Variants in IGFBP7 observed in about 807,000 individuals in gnomAD.
IGFBP7 encodes insulin-like growth factor-binding protein 7.
Under a neutral mutation model 29.4 loss-of-function variants are expected in IGFBP7, and 31 were observed. That is an observed-to-expected ratio of 1.05 (90% CI 0.79 to 1.42). The LOEUF is 1.42. Among genes scored for constraint, IGFBP7 ranks in the 40% most tolerant of loss-of-function variants. The probability of loss-of-function intolerance (pLI) is 0.00; values close to 1 mark genes in which losing one functional copy is unlikely to be tolerated. For missense variants in IGFBP7, 393 were observed against 395.5 expected (o/e 0.99, Z 0.05); for synonymous variants, 172 against 174.9 (o/e 0.98, Z 0.13).
chr4:57,060,353 G>A (rs1724771507), intron 1 of IGFBP7, among the ~76,000 whole-genome samples: 1 of 152,134 alleles, frequency 6.6e-6, no homozygotes, highest in Non-Finnish European at 1.5e-5. Flanking sequence ...TTTTCCTTTA[G>A]CTTATATACA....
intron 1 of IGFBP7, among the ~76,000 whole-genome samples, chr4:57,067,060 T>C (rs1724936885): frequency 6.6e-6 from 1 of 151,754 alleles, no homozygotes; most frequent in African/African-American, 2.4e-5. Flanking sequence ...AAAGTATCAA[T>C]AACATATTCA....
chr4:57,056,824 T>C (rs1713959), intron 1 of IGFBP7, among the ~76,000 whole-genome samples: 94,660 of 152,186 alleles, frequency 0.62, 29,929 homozygotes, highest in East Asian at 0.9. Context: ...TCTGCTCTTA[T>C]TGGCATTTTT....
chr4:57,085,793 A>C (rs949710601), intron 1 of IGFBP7, among the ~76,000 whole-genome samples: 5 of 151,820 alleles, frequency 3.3e-5, no homozygotes, highest in Admixed American at 3.3e-4. Flanking sequence ...ACTCCTCAGA[A>C]CTCCATTTTG....
At chr4:57,038,485 A>C (rs1724137506) in intron 2 of IGFBP7, among the ~76,000 whole-genome samples, 1 of 152,070 alleles carries the variant, frequency 6.6e-6, no homozygotes, top group South Asian at 2.1e-4. Context: ...GCTGGTTTCA[A>C]ATGGGCTGGT....
chr4:57,036,201 T>A (rs1250659815), intron 2 of IGFBP7, among the ~76,000 whole-genome samples: 1 of 152,204 alleles, frequency 6.6e-6, no homozygotes, highest in East Asian at 1.9e-4. Context: ...CACTATATTC[T>A]CATTTCACCG....
chr4:57,048,847 G>A (rs115769412), intron 1 of IGFBP7, among the ~76,000 whole-genome samples: 1 of 152,124 alleles, frequency 6.6e-6, no homozygotes, highest in Non-Finnish European at 1.5e-5. Context: ...CTGAATCCTT[G>A]TCTACAATTT....
At chr4:57,103,665 T>TTTTC (rs1219274230) in intron 1 of IGFBP7, among the ~76,000 whole-genome samples, 1 of 131,390 alleles carries the variant, frequency 7.6e-6, no homozygotes. Flanking sequence ...CTTTTCTTTT[T>TTTTC]TTTTTTTTTT....
At chr4:57,038,945 A>C (rs904927143) in intron 2 of IGFBP7, among the ~76,000 whole-genome samples, 3 of 151,826 alleles carry the variant, frequency 2.0e-5, no homozygotes, top group African/African-American at 4.8e-5. Flanking sequence ...GGGTGCCTGT[A>C]ATCCCAACTA....
At chr4:57,066,435 A>G (rs1724923470) in intron 1 of IGFBP7, among the ~76,000 whole-genome samples, 1 of 152,172 alleles carries the variant, frequency 6.6e-6, no homozygotes, top group Non-Finnish European at 1.5e-5. Flanking sequence ...GAACCACAAA[A>G]CTAAGCTACT....
chr4:57,048,125 C>G (rs921172387), intron 1 of IGFBP7, among the ~76,000 whole-genome samples: 2 of 151,030 alleles, frequency 1.3e-5, no homozygotes, highest in Non-Finnish European at 2.9e-5. Flanking sequence ...CATCTCGGCT[C>G]ACTGCAAGCT....
chr4:57,054,604 A>C (rs1037898722), intron 1 of IGFBP7, among the ~76,000 whole-genome samples: 1 of 143,916 alleles, frequency 6.9e-6, no homozygotes, highest in East Asian at 2.0e-4. Context: ...ACACCACGGC[A>C]CTCCAGCCTG....
intron 1 of IGFBP7, among the ~76,000 whole-genome samples, chr4:57,082,657 A>G (rs1714005): frequency 0.44 from 67,619 of 152,152 alleles, 17,178 homozygotes; most frequent in Admixed American, 0.59. Flanking sequence ...TAACAATTCA[A>G]ATATACAAAT....
intron 1 of IGFBP7, among the ~76,000 whole-genome samples, chr4:57,055,337 C>G (rs978965416): frequency 1.3e-5 from 2 of 152,050 alleles, no homozygotes; most frequent in African/African-American, 4.8e-5. Context: ...GAGTCTGGTA[C>G]AGGTATCTTA....
chr4:57,071,062 C>G (rs1280452714), intron 1 of IGFBP7, among the ~76,000 whole-genome samples: 1 of 152,142 alleles, frequency 6.6e-6, no homozygotes, highest in Non-Finnish European at 1.5e-5. Context: ...CCCGAGGGTC[C>G]ATGTGCATAA....
rs781393529 is a variant in IGFBP7, at chr4:57,031,013, A to G, written c.*304T>C. 6.1e-6 allele frequency: 8 copies of G among 1,315,010 alleles called. No individual in the cohort carries two copies. In the East Asian group the frequency reaches 1.8e-4, roughly 30 times the overall value. 81.5% of individuals were successfully genotyped at this position (1,315,010 alleles called of 1,614,324 possible). A position where few individuals can be genotyped will look rare whatever the true frequency, so the allele number is the denominator to read the frequency against. ...GCTATTTTACAGGAGTCAACAAGATAATTAAATATCTTGGTGTCTTGTTTC... is the reference window on the plus strand; with the variant it reads ...GCTATTTTACAGGAGTCAACAAGATGATTAAATATCTTGGTGTCTTGTTTC... On this transcript the variant is annotated 3_prime_UTR_variant, in exon 5 of 5. Coordinates refer to ENST00000295666, the MANE Select transcript of IGFBP7 (RefSeq NM_001553.3).
intron 1 of IGFBP7, among the ~76,000 whole-genome samples, chr4:57,042,799 T>A (rs1289415999): frequency 1.3e-5 from 2 of 152,374 alleles, no homozygotes; most frequent in South Asian, 2.1e-4. Context: ...CAGTTGTGGC[T>A]GAGACTGTAT....
Position 57,031,231 on chromosome 4 carries a change from A to T in IGFBP7, c.*86T>A. 1 of 1,130,060 alleles carries T rather than the reference A, an allele frequency of 8.8e-7. No individual in the cohort carries two copies. The highest frequency in any genetic ancestry group is 2.3e-5 in the East Asian group (1 of 42,576). 70.0% of individuals were successfully genotyped at this position (1,130,060 alleles called of 1,614,324 possible). ...TATAACTAAAGTGTTAGTGGATTGG[A>T]TTAAAAGAAACTTATTAGGCAAGAA... On this transcript the variant is annotated 3_prime_UTR_variant, in exon 5 of 5. Coordinates refer to ENST00000295666, the MANE Select transcript of IGFBP7 (RefSeq NM_001553.3).
chr4:57,080,733 G>C (rs1725346000), intron 1 of IGFBP7, among the ~76,000 whole-genome samples: 1 of 152,132 alleles, frequency 6.6e-6, no homozygotes, highest in Non-Finnish European at 1.5e-5. Context: ...ACTGACCAGA[G>C]AGAATACTAG....
intron 1 of IGFBP7, among the ~76,000 whole-genome samples, chr4:57,050,389 C>T (rs1309366814): frequency 6.6e-6 from 1 of 151,922 alleles, no homozygotes; most frequent in Non-Finnish European, 1.5e-5. Context: ...GGATTACAGG[C>T]AGCCATCACC....
Sources: allele counts gnomAD v4.1 joint callset (sites outside exome capture counted in the v4.1 genomes callset), GRCh38; gene constraint gnomAD v4.1.1; transcripts MANE v1.5; gene names NCBI Gene and HGNC (gene_info 2026-07-23, HGNC 2026-07-21).